HLCS: variants seen among roughly 807,000 people sequenced by gnomAD.
HLCS encodes holocarboxylase synthetase, also known as biotin--protein ligase.
Under a neutral mutation model 75.0 loss-of-function variants are expected in HLCS, and 53 were observed. That is an observed-to-expected ratio of 0.71 (90% CI 0.57 to 0.89). HLCS has a LOEUF of 0.89. Ranked by LOEUF, HLCS falls within the 40% of genes least tolerant of loss-of-function variation. The probability of loss-of-function intolerance (pLI) is 0.00; values close to 1 mark genes in which losing one functional copy is unlikely to be tolerated. For synonymous variants in HLCS, 431 were observed against 428.6 expected (o/e 1.01, Z -0.07); for missense variants, 966 against 1,074.0 (o/e 0.90, Z 1.41).
intron 1 of HLCS, among the ~76,000 whole-genome samples, chr21:36,977,701 C>G (rs1312029986): frequency 1.3e-5 from 2 of 152,304 alleles, no homozygotes; most frequent in South Asian, 4.1e-4. Context: ...CAGATACTGC[C>G]TCTGACCCCC....
At chr21:36,765,587 G>C (rs1272163348) in intron 7 of HLCS, among the ~76,000 whole-genome samples, 2 of 152,182 alleles carry the variant, frequency 1.3e-5, no homozygotes, top group African/African-American at 2.4e-5. Flanking sequence ...TGTGGCGATG[G>C]TTGCTCAGCC....
intron 6 of HLCS, among the ~76,000 whole-genome samples, chr21:36,781,076 C>T (rs571387168): frequency 1.6e-3 from 250 of 151,934 alleles, no homozygotes; most frequent in African/African-American, 5.8e-3. Flanking sequence ...GTCAGATCAG[C>T]GGCAGCATTA....
chr21:36,783,803 GCA>G (rs201430136), intron 6 of HLCS, among the ~76,000 whole-genome samples: 2 of 149,408 alleles, frequency 1.3e-5, no homozygotes, highest in Non-Finnish European at 1.5e-5. Flanking sequence ...GTGTGCACAT[GCA>G]CACACACACA....
intron 6 of HLCS, among the ~76,000 whole-genome samples, chr21:36,809,573 C>G (rs1463852671): frequency 6.6e-6 from 1 of 152,116 alleles, no homozygotes; most frequent in Non-Finnish European, 1.5e-5. Context: ...TTCCCCCTCT[C>G]TGCCTTCAGC....
chr21:36,964,795 C>T (rs1337546400), intron 1 of HLCS, among the ~76,000 whole-genome samples: 1 of 152,232 alleles, frequency 6.6e-6, no homozygotes, highest in African/African-American at 2.4e-5. Context: ...GAAAATCAGA[C>T]ATTCCCATCT....
chr21:36,983,872 A>G (rs544813342), intron 1 of HLCS, among the ~76,000 whole-genome samples: 1 of 151,840 alleles, frequency 6.6e-6, no homozygotes, highest in African/African-American at 2.4e-5. Flanking sequence ...AAGACAGGGT[A>G]TATCACAGGC....
intron 6 of HLCS, among the ~76,000 whole-genome samples, chr21:36,856,626 A>C (rs756672654): frequency 3.9e-5 from 6 of 152,310 alleles, no homozygotes; most frequent in Middle Eastern, 6.8e-3. Context: ...TGTTCTAGGA[A>C]GTATATCATC....
intron 1 of HLCS, among the ~76,000 whole-genome samples, chr21:36,976,870 GA>G (rs10714466): frequency 0.87 from 131,877 of 151,688 alleles, 57,428 homozygotes; most frequent in East Asian, 0.95. Context: ...TTCAACTTAG[GA>G]AAAAAAAAGA....
In HLCS at chr21:36,958,211, C is replaced by A. The variant is rs1205327179; in HGVS notation, c.330+3825G>T. ...TGAGCCGAGATCGCGCCACTGCACT[C>A]CAGCCTGGGCGACAGAGTGAGACTG... On this transcript the variant is annotated intron_variant, in intron 2 of 10. Coordinates refer to ENST00000674895, the MANE Select transcript of HLCS (RefSeq NM_001352514.2). 6.7e-5 allele frequency among the ~76,000 whole-genome samples: 10 copies of A among 149,968 alleles called. No individual in the cohort carries two copies. In the East Asian group the frequency reaches 2.0e-3, roughly 30 times the overall value.
chr21:36,935,375 C>T (rs867599873), intron 4 of HLCS, among the ~76,000 whole-genome samples: 4 of 151,946 alleles, frequency 2.6e-5, no homozygotes, highest in African/African-American at 9.7e-5. Flanking sequence ...ACAAGTGAGT[C>T]GGCTTTAGAA....
intron 6 of HLCS, among the ~76,000 whole-genome samples, chr21:36,784,706 A>G (rs192779907): frequency 8.5e-5 from 13 of 152,280 alleles, no homozygotes; most frequent in Non-Finnish European, 1.8e-4. Flanking sequence ...CTTCCAAATA[A>G]TAACATCAAA....
chr21:36,819,804 A>G (rs949877313), intron 6 of HLCS, among the ~76,000 whole-genome samples: 9 of 152,298 alleles, frequency 5.9e-5, no homozygotes, highest in African/African-American at 1.9e-4. Context: ...ACTTTCCCAT[A>G]AAGAAACAGT....
chr21:36,770,729 A>G (rs1478867527), intron 6 of HLCS, among the ~76,000 whole-genome samples: 1 of 152,016 alleles, frequency 6.6e-6, no homozygotes, highest in Admixed American at 6.6e-5. Context: ...TCATACCACC[A>G]CACCTGGCTA....
At chr21:36,864,137 T>A (rs796955605) in intron 6 of HLCS, among the ~76,000 whole-genome samples, 1 of 152,204 alleles carries the variant, frequency 6.6e-6, no homozygotes, top group Non-Finnish European at 1.5e-5. Flanking sequence ...TCGTGGCTCA[T>A]GCCTGTAATT....
At chr21:36,906,169 G>A (rs1347309755) in intron 5 of HLCS, among the ~76,000 whole-genome samples, 1 of 151,754 alleles carries the variant, frequency 6.6e-6, no homozygotes, top group Non-Finnish European at 1.5e-5. Flanking sequence ...GAAATATTTA[G>A]GGACATATTT....
At chr21:36,833,185 T>A (rs1299536039) in intron 6 of HLCS, among the ~76,000 whole-genome samples, 1 of 150,528 alleles carries the variant, frequency 6.6e-6, no homozygotes, top group Non-Finnish European at 1.5e-5. Context: ...CATGCCTAGC[T>A]AAATTTTTTT....
chr21:36,812,549 T>C (rs921035996), intron 6 of HLCS, among the ~76,000 whole-genome samples: 1 of 152,202 alleles, frequency 6.6e-6, no homozygotes. Context: ...CTCAAAAATA[T>C]AGCTCTCATT....
intron 6 of HLCS, among the ~76,000 whole-genome samples, chr21:36,835,011 A>T (rs754653839): frequency 6.6e-5 from 10 of 152,230 alleles, no homozygotes; most frequent in Non-Finnish European, 1.3e-4. Flanking sequence ...AGCCTTCTCG[A>T]GAACAGAAGA....
At chr21:36,896,599 C>A in intron 6 of HLCS, 1 of 521,414 alleles carries the variant, frequency 1.9e-6, no homozygotes, top group Non-Finnish European at 3.4e-6. Context: ...TATCAAAGAA[C>A]ATTCTGAGGG....
Sources: gnomAD v4.1 joint callset for allele counts (sites outside exome capture counted in the v4.1 genomes callset) on GRCh38, gnomAD v4.1.1 for gene constraint, MANE v1.5 for transcripts, NCBI Gene and HGNC (gene_info 2026-07-23, HGNC 2026-07-21) for gene names.